DUSP22: variants seen among roughly 807,000 people sequenced by gnomAD.
DUSP22 encodes the protein dual specificity protein phosphatase 22.
In DUSP22, 24 loss-of-function variants were observed where a neutral mutation model predicts 24.5. That is an observed-to-expected ratio of 0.98 (90% confidence interval 0.71 to 1.38). The LOEUF (loss-of-function observed/expected upper bound fraction) is 1.38, where lower values mean the gene tolerates loss of function less well. Ranked by LOEUF, DUSP22 falls within the 40% of genes most tolerant of loss-of-function variation. The pLI is 0.00. For missense variants in DUSP22, 330 were observed against 269.2 expected, an observed-to-expected ratio of 1.23 and a Z score of -1.58; for synonymous variants, 160 against 106.4, an observed-to-expected ratio of 1.50 and a Z score of -3.10.
intron 3 of DUSP22, among the ~76,000 whole-genome samples, chr6:315,930 T>C (rs529962669): frequency 6.6e-6 from 1 of 152,426 alleles, no homozygotes; most frequent in Admixed American, 6.5e-5. Context: ...AGAAGAGCTG[T>C]GGCTTGGAGC....
At chr6:300,967 A>G (rs1319682131) in intron 1 of DUSP22, among the ~76,000 whole-genome samples, 2 of 152,306 alleles carry the variant, frequency 1.3e-5, no homozygotes, top group Non-Finnish European at 1.5e-5. Context: ...GCCAGTGGAC[A>G]CTGAATGTGC....
intron 2 of DUSP22, among the ~76,000 whole-genome samples, chr6:308,051 T>A (rs1757897968): frequency 6.6e-6 from 1 of 152,308 alleles, no homozygotes; most frequent in Admixed American, 6.5e-5. Flanking sequence ...AGGGGCCCGC[T>A]GGCACCGGGC....
rs1048533456 is a variant in DUSP22 at position 349,026 on chromosome 6, G to T, written c.*75G>T. ...GGCTGGGCAGGGGTGCGGTGGTGGT[G>T]GCCGATGAGGACAGGAAAGGGAGAT... is the stretch of plus-strand genomic sequence containing the variant. On this transcript the variant is annotated 3_prime_UTR_variant, in exon 7 of 7. Transcript: ENST00000419235. The T allele has an allele frequency of 2.0e-6, 3 of 1,530,490 alleles. No homozygotes were observed. The Admixed American group carries it at 6.0e-5, about 31-fold the overall frequency. 94.8% of individuals were successfully genotyped at this position (1,530,490 alleles called of 1,614,324 possible). A position where few individuals can be genotyped will look rare whatever the true frequency, so the allele number is the denominator to read the frequency against.
chr6:338,797 C>T (rs1412079292), intron 4 of DUSP22, among the ~76,000 whole-genome samples: 4 of 152,292 alleles, frequency 2.6e-5, no homozygotes, highest in East Asian at 1.9e-4. Context: ...TTAAATTTTT[C>T]CCCACAAATC....
chr6:305,878 T>A (rs1008292398), intron 2 of DUSP22, among the ~76,000 whole-genome samples: 1 of 152,310 alleles, frequency 6.6e-6, no homozygotes, highest in Non-Finnish European at 1.5e-5. Flanking sequence ...GTTGGCTTTC[T>A]GGATGTTGCT....
At chr6:299,915 C>T (rs1280680575) in intron 1 of DUSP22, among the ~76,000 whole-genome samples, 1 of 152,308 alleles carries the variant, frequency 6.6e-6, no homozygotes. Context: ...TTTTTTCTCT[C>T]TCCTTTCCTC....
In DUSP22 at chr6:350,963, A is replaced by G; in HGVS notation, c.*2012A>G. On this transcript the variant is annotated 3_prime_UTR_variant, in exon 7 of 7. Coordinates refer to ENST00000419235, the MANE Select transcript of DUSP22 (RefSeq NM_001286555.3). Reference sequence around the variant, plus strand: ...CATAGAGTTTAAGTATCCAGTAGTGATTTGTAAACTTGTTTTTCATTTGAA... The same window carrying G: ...CATAGAGTTTAAGTATCCAGTAGTGGTTTGTAAACTTGTTTTTCATTTGAA... 1.3e-6 allele frequency: 2 copies of G among 1,535,316 alleles called. No individual in the cohort carries two copies. The highest frequency in any genetic ancestry group is 2.3e-5 in the South Asian group (2 of 86,674).
intron 1 of DUSP22, 117 bp downstream of exon 1, chr6:292,677 G>A: frequency 2.2e-6 from 3 of 1,389,764 alleles, no homozygotes; most frequent in Admixed American, 3.4e-5. Flanking sequence ...GTGGGGACGG[G>A]CGCGGAGGGA....
intron 3 of DUSP22, among the ~76,000 whole-genome samples, chr6:333,524 G>C (rs1306885893): frequency 4.6e-5 from 7 of 152,312 alleles, no homozygotes; most frequent in African/African-American, 1.7e-4. Context: ...GATGAGGCAA[G>C]AGGGAATTCT....
At chr6:327,549 C>T (rs1023738672) in intron 3 of DUSP22, among the ~76,000 whole-genome samples, 6 of 152,300 alleles carry the variant, frequency 3.9e-5, no homozygotes, top group African/African-American at 1.2e-4. Flanking sequence ...TGACCACAGC[C>T]GTGGGAGTTC....
intron 1 of DUSP22, 27 bp downstream of exon 1, chr6:292,587 G>C (rs762754144): frequency 1.3e-6 from 2 of 1,590,866 alleles, no homozygotes; most frequent in East Asian, 2.4e-5. Flanking sequence ...TTCGCGCTGG[G>C]TTTGCCTCCG....
At chr6:329,461 T>C (rs1380647938) in intron 3 of DUSP22, among the ~76,000 whole-genome samples, 2 of 152,426 alleles carry the variant, frequency 1.3e-5, no homozygotes, top group Non-Finnish European at 2.9e-5. Context: ...TGGTAAATCT[T>C]TGCTTTTTTT....
At chr6:312,305 A>G (rs1758146966) in intron 3 of DUSP22, among the ~76,000 whole-genome samples, 2 of 152,310 alleles carry the variant, frequency 1.3e-5, no homozygotes, top group South Asian at 4.1e-4. Context: ...AAAATCCAAA[A>G]AACTTCAGCC....
intron 4 of DUSP22, among the ~76,000 whole-genome samples, chr6:345,636 G>A (rs111878679): frequency 7.4e-4 from 113 of 152,380 alleles, no homozygotes; most frequent in Middle Eastern, 3.4e-3. Context: ...TGTTTAAAGT[G>A]ATTAAGCATT....
chr6:323,248 G>GTT (rs151331120), intron 3 of DUSP22, among the ~76,000 whole-genome samples: 1 of 152,184 alleles, frequency 6.6e-6, no homozygotes, highest in Non-Finnish European at 1.5e-5. Flanking sequence ...GCATGTGTGT[G>GTT]TGTGTGTGTG....
chr6:333,111 A>T (rs1396026537), intron 3 of DUSP22, among the ~76,000 whole-genome samples: 1 of 152,304 alleles, frequency 6.6e-6, no homozygotes, highest in Non-Finnish European at 1.5e-5. Flanking sequence ...CCGAGCTGTA[A>T]TACCACTCTA....
intron 4 of DUSP22, among the ~76,000 whole-genome samples, chr6:343,109 C>G (rs1759687186): frequency 6.6e-6 from 1 of 152,138 alleles, no homozygotes; most frequent in South Asian, 2.1e-4. Context: ...GGCACTGATA[C>G]CTTAGATTTC....
chr6:321,345 G>A (rs1305446672), intron 3 of DUSP22, among the ~76,000 whole-genome samples: 1 of 152,296 alleles, frequency 6.6e-6, no homozygotes, highest in Non-Finnish European at 1.5e-5. Flanking sequence ...CTTGCAGTAA[G>A]CAGAGACCCA....
At position 350,284 on chromosome 6, in the gene DUSP22, G is replaced by A. The variant is rs1276147491; in HGVS notation, c.*1333G>A. On this transcript the variant is annotated 3_prime_UTR_variant, in exon 7 of 7. Coordinates refer to ENST00000419235, the MANE Select transcript of DUSP22 (RefSeq NM_001286555.3). ...AAAATTCCACATTCAGGCCACGAGA[G>A]CATCTACAGTTTGTACTCTGGGGCT... 2 of 991,480 alleles carry A rather than the reference G, an allele frequency of 2.0e-6. No individual in the cohort carries two copies. The highest frequency in any genetic ancestry group is 2.4e-6 in the Non-Finnish European group (2 of 834,196). 61.4% of individuals were successfully genotyped at this position (991,480 alleles called of 1,614,324 possible). A position where few individuals can be genotyped will look rare whatever the true frequency, so the allele number is the denominator to read the frequency against.
Sources: allele counts gnomAD v4.1 joint callset (sites outside exome capture counted in the v4.1 genomes callset), GRCh38; gene constraint gnomAD v4.1.1; transcripts MANE v1.5; gene names NCBI Gene and HGNC (gene_info 2026-07-23, HGNC 2026-07-21).